The following ANKRD34B variants were observed in gnomAD, a reference collection of about 807,000 sequenced individuals.
ANKRD34B encodes ankyrin repeat domain-containing protein 34B.
In ANKRD34B, 2 loss-of-function variants were observed where a neutral mutation model predicts 4.4. The observed-to-expected ratio is 0.46, with a 90% confidence interval of 0.19 to 1.44. The LOEUF (loss-of-function observed/expected upper bound fraction) is 1.44, where lower values mean the gene tolerates loss of function less well. Ranked by LOEUF, ANKRD34B falls within the 40% of genes most tolerant of loss-of-function variation. The probability of loss-of-function intolerance (pLI) is 0.26; values close to 1 mark genes in which losing one functional copy is unlikely to be tolerated. For synonymous variants in ANKRD34B, 226 were observed against 227.1 expected, an observed-to-expected ratio of 0.99 and a Z score of 0.05; for missense variants, 558 against 604.7, an observed-to-expected ratio of 0.92 and a Z score of 0.81.
Position 80,558,689 on chromosome 5 carries a change from G to C in ANKRD34B, c.1331C>G (p.Thr444Ser), listed in dbSNP as rs1746321615. The part of the protein sequence containing the change: ...AFPLDHSVTQ[T>S]RQGFLPPLNV... ...TAAGGGTGGGAGAAACCCTTGTCTG[G>C]TTTGGGTAACACTGTGATCTAAAGG... The change falls in exon 5 of 5, where the codon ACC becomes AGC. Residue 444 changes from threonine (T) to serine (S), a missense_variant. By Grantham distance (58) the Thr-to-Ser change is moderately conservative (BLOSUM62 1). Transcript: ENST00000338682. The C allele has an allele frequency of 1.2e-6, 2 of 1,613,994 alleles. No individual in the cohort carries two copies. The highest frequency in any genetic ancestry group is 2.7e-5 in the African/African-American group (2 of 74,916).
At chr5:80,567,040 C>T (rs1701978519) in intron 2 of ANKRD34B, among the ~76,000 whole-genome samples, 1 of 152,164 alleles carries the variant, frequency 6.6e-6, no homozygotes, top group Non-Finnish European at 1.5e-5. Context: ...TGGTGCAGAT[C>T]AGGAGGCTGA....
At position 80,557,935 on chromosome 5, in the gene ANKRD34B, A is replaced by T. The variant is rs1746290031; in HGVS notation, c.*540T>A. On this transcript the variant is annotated 3_prime_UTR_variant, in exon 5 of 5. Transcript: ENST00000338682. ...TTTAACCTTTTAAATTTTTAATTAG[A>T]GTTTTATCTATCTTCAGTCAACATT... is the stretch of plus-strand genomic sequence containing the variant. 1 of 152,228 alleles carries T rather than the reference A, an allele frequency of 6.6e-6. No individual in the cohort carries two copies. The highest frequency in any genetic ancestry group is 6.5e-5 in the Admixed American group (1 of 15,274). 9.4% of individuals were successfully genotyped at this position (152,228 alleles called of 1,614,324 possible). A position where few individuals can be genotyped will look rare whatever the true frequency, so the allele number is the denominator to read the frequency against.
chr5:80,558,519 G>C lies in ANKRD34B; in HGVS notation c.1501C>G (p.Gln501Glu), dbSNP rs1699099246. The change falls in exon 5 of 5, where the codon CAA becomes GAA. Residue 501 changes from glutamine to glutamate, a missense_variant. Coordinates refer to ENST00000338682, the MANE Select transcript of ANKRD34B (RefSeq NM_001004441.3). ...TTAATTTGTTCAGTTTGCAATGATT[G>C]TCTCCTTAACAACATTTTCTTACTT... is the stretch of plus-strand genomic sequence containing the variant. ...FKSKKMLLRR[Q>E]SLQTEQIKQL... 1 of 1,613,676 alleles carries C rather than the reference G, an allele frequency of 6.2e-7. No individual in the cohort carries two copies. The highest frequency in any genetic ancestry group is 1.7e-5 in the Admixed American group (1 of 59,966).
At chr5:80,560,066 C>T (rs1010151112) in intron 4 of ANKRD34B, 24 bp from the exon 5 acceptor site, 18 of 1,384,556 alleles carry the variant, frequency 1.3e-5, no homozygotes, top group Non-Finnish European at 1.7e-5. Context: ...ATGGCAAAGA[C>T]CAAAAGATTA....
In ANKRD34B at chr5:80,559,673, T is replaced by C. The variant is rs771169057; in HGVS notation, c.347A>G (p.His116Arg). The C allele has an allele frequency of 4.3e-6, 7 of 1,614,196 alleles. No individual in the cohort carries two copies. Among genetic ancestry groups the C allele is most frequent in the Non-Finnish European group, 5.9e-6 (7 of 1,180,034 alleles). Residue 116 changes from histidine to arginine, a missense_variant, in exon 5 of 5, where the codon CAT becomes CGT. By Grantham distance (29) the His-to-Arg change is conservative (BLOSUM62 0). Coordinates refer to ENST00000338682, the MANE Select transcript of ANKRD34B (RefSeq NM_001004441.3). The stretch of plus-strand genomic sequence containing the variant: ...ATAAACAAGAGCTGAGTAACTAGAA[T>C]GGTCTTGCAAGCTGAGGTCAGCCCC... ...KSGADLSLQD[H>R]SSYSALVYAI... is the part of the protein sequence containing the mutation.
chr5:80,564,829 T>C lies in ANKRD34B; in HGVS notation c.-104-1014A>G, dbSNP rs1422486279. On this transcript the variant is annotated intron_variant, in intron 3 of 4. Coordinates refer to ENST00000338682, the MANE Select transcript of ANKRD34B (RefSeq NM_001004441.3). ...CAAGTGATTCTCCTGCCTCAGCCTC[T>C]GGAGTAGCTGGGATTACAGGTGTGT... Among the ~76,000 whole-genome samples, 14 of 151,344 alleles carry C rather than the reference T, an allele frequency of 9.3e-5. 1 individual carries two copies. Among genetic ancestry groups the C allele is most frequent in the African/African-American group, 3.2e-4 (13 of 41,202 alleles).
chr5:80,563,598 C>T (rs1194247199), intron 4 of ANKRD34B, 137 bp downstream of exon 4: 3 of 152,204 alleles, frequency 2.0e-5, no homozygotes, highest in Admixed American at 6.5e-5. Context: ...TAGTGTTCAT[C>T]TCCACTGCAG....
At position 80,559,296 on chromosome 5, in the gene ANKRD34B, G is replaced by C; in HGVS notation, c.724C>G (p.Leu242Val). 6.2e-7 allele frequency: 1 copy of C among 1,614,186 alleles called. No homozygotes were observed. The highest frequency in any genetic ancestry group is 1.1e-5 in the South Asian group (1 of 91,090). Reference protein sequence around the residue: ...KPALAPKGPKLPHAPPWVKSP... With the variant: ...KPALAPKGPKVPHAPPWVKSP... ...TTGACCCAGGGTGGAGCGTGGGGGA[G>C]CTTGGGCCCCTTAGGGGCCAATGCA... is the stretch of plus-strand genomic sequence containing the variant. Residue 242 changes from leucine (L) to valine (V), a missense_variant, in exon 5 of 5, where the codon CTC becomes GTC. Physicochemically the swap from Leu to Val is conservative, Grantham distance 32. Transcript: ENST00000338682.
intron 2 of ANKRD34B, 38 bp downstream of exon 2, chr5:80,568,922 A>ACACACACACACACACACACG (rs1473447719): frequency 8.1e-6 from 1 of 123,294 alleles, no homozygotes; most frequent in Non-Finnish European, 1.7e-5. Flanking sequence ...ACACACACAC[A>ACACACACACACACACACACG]CACAGAGAGA....
chr5:80,562,634 G>A (rs1211291389), intron 4 of ANKRD34B, among the ~76,000 whole-genome samples: 1 of 152,176 alleles, frequency 6.6e-6, no homozygotes, highest in Non-Finnish European at 1.5e-5. Flanking sequence ...ATGCCACCCA[G>A]GTCGTACTTA....
chr5:80,559,400 G>A lies in ANKRD34B; in HGVS notation c.620C>T (p.Thr207Met), dbSNP rs571967371. 31 of 1,614,194 alleles carry A rather than the reference G, an allele frequency of 1.9e-5. No individual in the cohort carries two copies. Among genetic ancestry groups the A allele is most frequent in the Admixed American group, 8.3e-5 (5 of 60,016 alleles). ...CTCAAGATCTTTAAAGCCAAAAAGC[G>A]TCAGTTCCGTTTCAGAAGAATGTGA... is the stretch of plus-strand genomic sequence containing the variant. ...PLSHSSETEL[T>M]LFGFKDLELA... The change falls in exon 5 of 5, where the codon ACG becomes ATG. Residue 207 changes from threonine (T) to methionine (M), a missense_variant. Thr to Met is a moderately conservative substitution (Grantham distance 81). Transcript: ENST00000338682.
Position 80,557,952 on chromosome 5 carries a change from G to A in ANKRD34B, c.*523C>T, listed in dbSNP as rs185075709. The A allele has an allele frequency of 6.6e-6, 1 of 152,262 alleles. No homozygotes were observed. The highest frequency in any genetic ancestry group is 6.5e-5 in the Admixed American group (1 of 15,272). 9.4% of individuals were successfully genotyped at this position (152,262 alleles called of 1,614,324 possible). A position where few individuals can be genotyped will look rare whatever the true frequency, so the allele number is the denominator to read the frequency against. On this transcript the variant is annotated 3_prime_UTR_variant, in exon 5 of 5. Coordinates refer to ENST00000338682, the MANE Select transcript of ANKRD34B (RefSeq NM_001004441.3). ...TTAATTAGAGTTTTATCTATCTTCA[G>A]TCAACATTTGTAAAGAATTAGTTCA...
rs1361346507 is a variant in ANKRD34B, at chr5:80,558,637, T to C, written c.1383A>G (p.Ser461=). 3 of 1,614,046 alleles carry C rather than the reference T, an allele frequency of 1.9e-6. No individual in the cohort carries two copies. The highest frequency in any genetic ancestry group is 1.6e-4 in the Middle Eastern group (1 of 6,084). ...PLNVNSHPPI[S]DINVNNKICS... ...AAATCTTGTTGTTGACATTGATATC[T>C]GAGATGGGAGGGTGAGAATTTACAT... The change falls in exon 5 of 5, where the codon TCA becomes TCG. Residue 461 remains serine, a synonymous_variant. Transcript: ENST00000338682.
intron 4 of ANKRD34B, among the ~76,000 whole-genome samples, chr5:80,561,493 G>A (rs886654246): frequency 5.3e-5 from 8 of 152,212 alleles, no homozygotes; most frequent in Admixed American, 3.3e-4. Flanking sequence ...AGAAAAAAGA[G>A]AAAAGTAAGC....
intron 2 of ANKRD34B, among the ~76,000 whole-genome samples, chr5:80,567,763 G>T (rs988822066): frequency 2.0e-5 from 3 of 151,992 alleles, no homozygotes; most frequent in African/African-American, 7.2e-5. Flanking sequence ...TAACAAATGG[G>T]TTTGAACTCA....
Position 80,559,548 on chromosome 5 carries a change from A to T in ANKRD34B, c.472T>A (p.Cys158Ser). Reference sequence around the variant, plus strand: ...TATTGTTTAGTAGTATGCTTCCCACAGGGCAACTTTGCTGTTGTGATGATG... The same window carrying T: ...TATTGTTTAGTAGTATGCTTCCCACTGGGCAACTTTGCTGTTGTGATGATG... ...VIIITTAKLP[C>S]GKHTTKQYLN... The change falls in exon 5 of 5, where the codon TGT becomes AGT. Residue 158 changes from cysteine (C) to serine (S), a missense_variant. Transcript: ENST00000338682. 2 of 1,614,154 alleles carry T rather than the reference A, an allele frequency of 1.2e-6. No individual in the cohort carries two copies. Among genetic ancestry groups the T allele is most frequent in the Non-Finnish European group, 1.7e-6 (2 of 1,180,026 alleles).
chr5:80,567,849 G>C (rs1459143332), intron 2 of ANKRD34B, among the ~76,000 whole-genome samples: 1 of 151,908 alleles, frequency 6.6e-6, no homozygotes, highest in Non-Finnish European at 1.5e-5. Context: ...GCTCAGATGA[G>C]GCAGCAGGGT....
chr5:80,566,772 C>T lies in ANKRD34B; in HGVS notation c.-188G>A, dbSNP rs1185300446. The T allele has an allele frequency of 1.3e-5, 2 of 152,626 alleles. No homozygotes were observed. Among genetic ancestry groups the T allele is most frequent in the African/African-American group, 4.8e-5 (2 of 41,450 alleles). The allele number at this position is 152,626 out of a possible 1,614,324, so 9.5% of individuals were successfully genotyped here. A position where few individuals can be genotyped will look rare whatever the true frequency, so the allele number is the denominator to read the frequency against. Reference sequence around the variant, plus strand: ...TTTTCTGTCAGCCAGCTGTCAGTTCCTACTGAAGGAAATCAAAGCTATTCA... The same window carrying T: ...TTTTCTGTCAGCCAGCTGTCAGTTCTTACTGAAGGAAATCAAAGCTATTCA... On this transcript the variant is annotated splice_region_variant and 5_prime_UTR_variant, in exon 3 of 5. Coordinates refer to ENST00000338682, the MANE Select transcript of ANKRD34B (RefSeq NM_001004441.3).
chr5:80,568,934 A>AGC (rs1746666381), intron 2 of ANKRD34B, 26 bp downstream of exon 2: 1 of 149,528 alleles, frequency 6.7e-6, no homozygotes, highest in African/African-American at 2.5e-5. Context: ...ACAGAGAGAG[A>AGC]GAGAGAGAGA....
Sources: gnomAD v4.1 joint callset for allele counts (sites outside exome capture counted in the v4.1 genomes callset) on GRCh38, gnomAD v4.1.1 for gene constraint, MANE v1.5 for transcripts, NCBI Gene and HGNC (gene_info 2026-07-23, HGNC 2026-07-21) for gene names.